The following RBFOX1 variants were observed in gnomAD, a reference collection of about 807,000 sequenced individuals.
RBFOX1 encodes RNA binding protein fox-1 homolog 1.
Under a neutral mutation model 57.7 loss-of-function variants are expected in RBFOX1, and 8 were observed. The observed-to-expected ratio is 0.14, with a 90% CI of 0.08 to 0.25. The LOEUF is 0.25. RBFOX1 is among the 10% of genes least tolerant of loss of function. RBFOX1 has a pLI of 1.00. For missense variants in RBFOX1, 611 were observed against 548.5 expected (o/e 1.11, Z -1.14); for synonymous variants, 326 against 222.4 (o/e 1.47, Z -4.15).
At chr16:5,833,494 CAAAAA>C (rs1183168830) in intron 3 of RBFOX1, among the ~76,000 whole-genome samples, 2 of 59,556 alleles carry the variant, frequency 3.4e-5, no homozygotes, top group African/African-American at 1.1e-4. Context: ...GACTCTATCT[CAAAAA>C]AAAAAAAAAA....
chr16:6,335,065 G>A (rs2083464892), intron 2 of RBFOX1, among the ~76,000 whole-genome samples: 1 of 152,238 alleles, frequency 6.6e-6, no homozygotes. Context: ...CCCTTTCGAT[G>A]TGATAGTTTA....
chr16:7,588,206 T>G (rs954175292), intron 7 of RBFOX1, among the ~76,000 whole-genome samples: 3 of 151,816 alleles, frequency 2.0e-5, no homozygotes, highest in African/African-American at 7.3e-5. Flanking sequence ...ACAAAAGAAA[T>G]ATGTTGGGAG....
At chr16:5,350,218 C>T (rs1160342718) in intron 1 of RBFOX1, among the ~76,000 whole-genome samples, 3 of 152,150 alleles carry the variant, frequency 2.0e-5, no homozygotes, top group African/African-American at 4.8e-5. Context: ...AGTGTGGGAG[C>T]CCCTTTGCCA....
intron 4 of RBFOX1, among the ~76,000 whole-genome samples, chr16:7,254,645 C>T (rs760418223): frequency 3.3e-5 from 5 of 152,040 alleles, no homozygotes; most frequent in African/African-American, 9.7e-5. Context: ...CTTTTCAATC[C>T]TGTCTTCTGA....
At chr16:6,198,726 A>C (rs1200806187) in intron 1 of RBFOX1, among the ~76,000 whole-genome samples, 1 of 152,198 alleles carries the variant, frequency 6.6e-6, no homozygotes, top group Admixed American at 6.5e-5. Context: ...TTTTGGAACT[A>C]AAGTGTACCC....
At chr16:6,972,274 T>C (rs1261979738) in intron 3 of RBFOX1, among the ~76,000 whole-genome samples, 3 of 152,110 alleles carry the variant, frequency 2.0e-5, no homozygotes, top group Non-Finnish European at 4.4e-5. Flanking sequence ...CAGCCCCTGG[T>C]AACTGTCATT....
At chr16:5,375,348 G>A (rs2065958621) in intron 1 of RBFOX1, among the ~76,000 whole-genome samples, 2 of 152,176 alleles carry the variant, frequency 1.3e-5, no homozygotes, top group South Asian at 4.1e-4. Context: ...AGGACAGTGA[G>A]GTTGGAAAGG....
At chr16:6,190,957 C>T (rs953815030) in intron 1 of RBFOX1, among the ~76,000 whole-genome samples, 1 of 151,992 alleles carries the variant, frequency 6.6e-6, no homozygotes, top group African/African-American at 2.4e-5. Context: ...AACTTGAGGC[C>T]GGCAGTCTAA....
Position 6,019,377 on chromosome 16 carries a change from C to T in RBFOX1, c.-742C>T, listed in dbSNP as rs2095025073. 1 of 985,592 alleles carries T rather than the reference C, an allele frequency of 1.0e-6. No homozygotes were observed. The highest frequency in any genetic ancestry group is 1.2e-6 in the Non-Finnish European group (1 of 830,274). 61.1% of individuals were successfully genotyped at this position (985,592 alleles called of 1,614,324 possible). ...AGTCGGTGGGACTGGCTGCGCTGCC[C>T]TGAAGTGGTTCTCCAAGCAGCGCGG... On this transcript the variant is annotated 5_prime_UTR_variant, in exon 1 of 16. Coordinates refer to ENST00000550418, the MANE Select transcript of RBFOX1 (RefSeq NM_018723.4). This position sits in a 1 kb window ranked among gnomAD's most constrained non-coding sequence, Gnocchi z 4.2.
chr16:5,717,112 G>T (rs1430129675), intron 3 of RBFOX1, among the ~76,000 whole-genome samples: 1 of 152,168 alleles, frequency 6.6e-6, no homozygotes, highest in Non-Finnish European at 1.5e-5. Flanking sequence ...GAGAAGGTCA[G>T]AGGGTCTGGT....
chr16:6,825,528 G>A (rs565974378), intron 3 of RBFOX1, among the ~76,000 whole-genome samples: 10 of 152,244 alleles, frequency 6.6e-5, no homozygotes, highest in African/African-American at 2.2e-4. Flanking sequence ...TTTTTGAACA[G>A]TCTTTTGATA....
intron 3 of RBFOX1, among the ~76,000 whole-genome samples, chr16:5,786,786 T>C (rs115563259): frequency 8.1e-4 from 124 of 152,182 alleles, no homozygotes; most frequent in African/African-American, 2.9e-3. Flanking sequence ...CAGTGAGAAA[T>C]TGGTGTTTGA....
intron 1 of RBFOX1, among the ~76,000 whole-genome samples, chr16:5,266,291 C>G (rs1460191148): frequency 2.0e-5 from 3 of 152,140 alleles, no homozygotes; most frequent in African/African-American, 7.2e-5. Flanking sequence ...GATCCCTGGA[C>G]TCACTGGATG....
intron 2 of RBFOX1, among the ~76,000 whole-genome samples, chr16:6,436,809 C>T (rs762245707): frequency 1.3e-5 from 2 of 151,870 alleles, no homozygotes; most frequent in African/African-American, 2.4e-5. Flanking sequence ...AAATGGTACA[C>T]GTATATTGAA....
At chr16:5,987,083 G>A (rs1411248050) in intron 4 of RBFOX1, among the ~76,000 whole-genome samples, 1 of 152,128 alleles carries the variant, frequency 6.6e-6, no homozygotes, top group Non-Finnish European at 1.5e-5. Flanking sequence ...AGGTTGTAGT[G>A]ATATTGCCTT....
At chr16:6,916,353 A>C (rs577442038) in intron 3 of RBFOX1, among the ~76,000 whole-genome samples, 1 of 152,268 alleles carries the variant, frequency 6.6e-6, no homozygotes, top group African/African-American at 2.4e-5. Flanking sequence ...ATTATGGCTA[A>C]TGCTGCTTTG....
intron 4 of RBFOX1, among the ~76,000 whole-genome samples, chr16:7,386,460 A>G (rs1028219641): frequency 1.4e-5 from 2 of 138,430 alleles, no homozygotes; most frequent in Non-Finnish European, 3.0e-5. Flanking sequence ...CCTCCCACTT[A>G]TGAGAACATG....
Position 7,693,416 on chromosome 16 carries a change from C to CTTTT in RBFOX1, c.996-15625_996-15622dup, listed in dbSNP as rs60812796. ...ATGCATCCATCCAAGTCTCAGTATC[C>CTTTT]TTTTTTTTTTTTTTTTTTCTTCTTC... On this transcript the variant is annotated intron_variant, in intron 14 of 15. Coordinates refer to ENST00000550418, the MANE Select transcript of RBFOX1 (RefSeq NM_018723.4). The CTTTT allele has an allele frequency of 4.2e-3, 3,273 of 781,404 alleles. 2 individuals carry two copies. Among genetic ancestry groups the CTTTT allele is most frequent in the South Asian group, 0.011 (421 of 39,490 alleles). 48.4% of individuals were successfully genotyped at this position (781,404 alleles called of 1,614,324 possible).
At chr16:7,002,310 A>G (rs977188413) in intron 3 of RBFOX1, among the ~76,000 whole-genome samples, 5 of 152,196 alleles carry the variant, frequency 3.3e-5, no homozygotes, top group Non-Finnish European at 4.4e-5. Context: ...ATTTTCTTGT[A>G]TCCTCTAAAG....
Sources: allele counts gnomAD v4.1 joint callset (sites outside exome capture counted in the v4.1 genomes callset), GRCh38; gene constraint gnomAD v4.1.1; non-coding constraint Gnocchi (gnomAD v3.1); transcripts MANE v1.5; gene names NCBI Gene and HGNC (gene_info 2026-07-23, HGNC 2026-07-21).